The following POLR2D variants were observed in gnomAD, a reference collection of about 807,000 sequenced individuals.
POLR2D encodes the protein DNA-directed RNA polymerase II subunit RPB4.
In POLR2D, 10 loss-of-function variants were observed where a neutral mutation model predicts 17.6. That is an observed-to-expected ratio of 0.57 (90% confidence interval 0.35 to 0.96). The LOEUF (loss-of-function observed/expected upper bound fraction) is 0.96. Ranked by LOEUF, POLR2D falls within the 40% of genes least tolerant of loss-of-function variation. POLR2D has a pLI of 0.02. For synonymous variants in POLR2D, 52 were observed against 60.2 expected (o/e 0.86, Z 0.63); for missense variants, 126 against 176.4 (o/e 0.71, Z 1.62).
rs1690110357 is a variant in POLR2D at position 127,844,055 on chromosome 2, A to C, written c.*4052T>G. 6.9e-6 allele frequency: 1 copy of C among 145,240 alleles called. No homozygotes were observed. The allele number at this position is 145,240 out of a possible 1,614,324, so 9.0% of individuals were successfully genotyped here. A position where few individuals can be genotyped will look rare whatever the true frequency, so the allele number is the denominator to read the frequency against. ...GGAGATTGAGGCTGCAGTGAACCTTAATCATGCCACTGCACTCCAGCCTGG... is the reference window on the plus strand; with the variant it reads ...GGAGATTGAGGCTGCAGTGAACCTTCATCATGCCACTGCACTCCAGCCTGG... On this transcript the variant is annotated 3_prime_UTR_variant, in exon 4 of 4. Coordinates refer to ENST00000272645, the MANE Select transcript of POLR2D (RefSeq NM_004805.4).
rs547229686 is a variant in POLR2D, at chr2:127,857,948, T to C, written c.73+80A>G. On this transcript the variant is annotated intron_variant, in intron 1 of 3. Coordinates refer to ENST00000272645, the MANE Select transcript of POLR2D (RefSeq NM_004805.4). ...CCCAAGCCGCCGCTGAGGCAGGGCC[T>C]TGGGCGAAGCGCGCATAACGCCAGG... 1.5e-4 allele frequency: 233 copies of C among 1,531,002 alleles called. 1 individual carries two copies. The African/African-American group carries it at 2.5e-3, about 17-fold the overall frequency. The allele number at this position is 1,531,002 out of a possible 1,614,324, so 94.8% of individuals were successfully genotyped here. A position where few individuals can be genotyped will look rare whatever the true frequency, so the allele number is the denominator to read the frequency against.
intron 1 of POLR2D, among the ~76,000 whole-genome samples, chr2:127,853,523 T>C (rs181380290): frequency 6.6e-6 from 1 of 152,292 alleles, no homozygotes; most frequent in African/African-American, 2.4e-5. Flanking sequence ...TCCAGCTCCA[T>C]CCATGTTGCT....
chr2:127,855,241 A>G (rs1167071817), intron 1 of POLR2D, among the ~76,000 whole-genome samples: 1 of 151,872 alleles, frequency 6.6e-6, no homozygotes, highest in African/African-American at 2.4e-5. Context: ...AAAAATACAA[A>G]AATTAGTCGG....
chr2:127,846,692 C>T lies in POLR2D; in HGVS notation c.*1415G>A, dbSNP rs535202362. On this transcript the variant is annotated 3_prime_UTR_variant, in exon 4 of 4. Transcript: ENST00000272645. ...AGTAGAATTGCAATTTTATTTTTCTCCAGAGAAGTTTTTCTTCAGTCCTTA... is the reference window on the plus strand; with the variant it reads ...AGTAGAATTGCAATTTTATTTTTCTTCAGAGAAGTTTTTCTTCAGTCCTTA... The T allele has an allele frequency of 1.3e-5, 2 of 152,694 alleles. No individual in the cohort carries two copies. Among genetic ancestry groups the T allele is most frequent in the African/African-American group, 2.4e-5 (1 of 41,494 alleles). 9.5% of individuals were successfully genotyped at this position (152,694 alleles called of 1,614,324 possible). A position where few individuals can be genotyped will look rare whatever the true frequency, so the allele number is the denominator to read the frequency against.
rs190117122 is a variant in POLR2D at position 127,847,510 on chromosome 2, T to C, written c.*597A>G. On this transcript the variant is annotated 3_prime_UTR_variant, in exon 4 of 4. Transcript: ENST00000272645. ...AATTTTAAAAATTAGCTGAGAGTTGTGGTGCACACCTGTGGCCCCAGTTAT... is the reference window on the plus strand; with the variant it reads ...AATTTTAAAAATTAGCTGAGAGTTGCGGTGCACACCTGTGGCCCCAGTTAT... 1 of 153,654 alleles carries C rather than the reference T, an allele frequency of 6.5e-6. No homozygotes were observed. The highest frequency in any genetic ancestry group is 1.9e-4 in the East Asian group (1 of 5,178). The allele number at this position is 153,654 out of a possible 1,614,324, so 9.5% of individuals were successfully genotyped here.
At chr2:127,850,247 C>A (rs1690229123) in intron 3 of POLR2D, among the ~76,000 whole-genome samples, 1 of 151,930 alleles carries the variant, frequency 6.6e-6, no homozygotes, top group Admixed American at 6.6e-5. Context: ...TCGCGACTAG[C>A]CTGACCAACA....
At chr2:127,854,132 C>G (rs1208290323) in intron 1 of POLR2D, among the ~76,000 whole-genome samples, 2 of 152,154 alleles carry the variant, frequency 1.3e-5, no homozygotes, top group Admixed American at 6.5e-5. Flanking sequence ...TATTTTTGTG[C>G]ACACACAAAT....
intron 3 of POLR2D, among the ~76,000 whole-genome samples, chr2:127,848,880 G>A (rs72848839): frequency 0.084 from 12,764 of 151,656 alleles, 620 homozygotes; most frequent in Middle Eastern, 0.23. Flanking sequence ...GGCTGGTCTC[G>A]AACTCCTGAC....
chr2:127,848,945 C>T (rs1690200156), intron 3 of POLR2D, among the ~76,000 whole-genome samples: 1 of 152,160 alleles, frequency 6.6e-6, no homozygotes, highest in Non-Finnish European at 1.5e-5. Context: ...CAGGCATGAG[C>T]CACCACGCCC....
chr2:127,853,550 C>T (rs970571358), intron 1 of POLR2D, among the ~76,000 whole-genome samples: 1 of 151,256 alleles, frequency 6.6e-6, no homozygotes, highest in African/African-American at 2.4e-5. Flanking sequence ...GATATGATTT[C>T]GTTCTTTTAT....
chr2:127,855,995 T>G (rs1358201838), intron 1 of POLR2D, among the ~76,000 whole-genome samples: 1 of 152,090 alleles, frequency 6.6e-6, no homozygotes, highest in Non-Finnish European at 1.5e-5. Context: ...TTACGACCAT[T>G]AATAGGCCAG....
At position 127,852,532 on chromosome 2, in the gene POLR2D, C is replaced by T. The variant is rs1690268689; in HGVS notation, c.254+393G>A. 6.6e-6 allele frequency among the ~76,000 whole-genome samples: 1 copy of T among 152,168 alleles called. No individual in the cohort carries two copies. The highest frequency in any genetic ancestry group is 1.5e-5 in the Non-Finnish European group (1 of 68,040). On this transcript the variant is annotated intron_variant, in intron 2 of 3. Coordinates refer to ENST00000272645, the MANE Select transcript of POLR2D (RefSeq NM_004805.4). The surrounding 1 kb of genome is among the most constrained non-coding windows in gnomAD (Gnocchi z 4.0). ...AAGTGTGGATTACAGGTGTAAGCCA[C>T]CACACCTGGCTGAAATTCTGGTCTT...
Position 127,844,223 on chromosome 2 carries a change from CCAGA to C in POLR2D, c.*3880_*3883del, listed in dbSNP as rs1325733182. The stretch of plus-strand genomic sequence containing the variant: ...ATCTTGGACCAGAAAGCCGCCCTTG[CCAGA>C]CACTGAACGTACCAGCACCTGGATC... On this transcript the variant is annotated 3_prime_UTR_variant, in exon 4 of 4. Transcript: ENST00000272645. The C allele has an allele frequency of 6.6e-6, 1 of 151,674 alleles. No individual in the cohort carries two copies. The highest frequency in any genetic ancestry group is 2.4e-5 in the African/African-American group (1 of 41,290). 9.4% of individuals were successfully genotyped at this position (151,674 alleles called of 1,614,324 possible).
At position 127,852,132 on chromosome 2, in the gene POLR2D, G is replaced by A. The variant is rs1690262544; in HGVS notation, c.254+793C>T. Among the ~76,000 whole-genome samples the A allele has an allele frequency of 6.6e-6, 1 of 152,082 alleles. No homozygotes were observed. Among genetic ancestry groups the A allele is most frequent in the Admixed American group, 6.6e-5 (1 of 15,260 alleles). ...GGCTAAGGTTGGAGGATCAATTGAGGCCAGGAGTTTGAGACCAGCCTGGAC... is the reference window on the plus strand; with the variant it reads ...GGCTAAGGTTGGAGGATCAATTGAGACCAGGAGTTTGAGACCAGCCTGGAC... On this transcript the variant is annotated intron_variant, in intron 2 of 3. Coordinates refer to ENST00000272645, the MANE Select transcript of POLR2D (RefSeq NM_004805.4). This position sits in a 1 kb window ranked among gnomAD's most constrained non-coding sequence, Gnocchi z 4.0.
chr2:127,856,290 C>CAAA (rs61249327), intron 1 of POLR2D, among the ~76,000 whole-genome samples: 3,364 of 25,380 alleles, frequency 0.13, 789 homozygotes, highest in African/African-American at 0.3. Context: ...GATCCCGTCT[C>CAAA]AAAAAAAAAA....
At position 127,849,047 on chromosome 2, in the gene POLR2D, G is replaced by T. The variant is rs562356916; in HGVS notation, c.351-862C>A. Among the ~76,000 whole-genome samples the T allele has an allele frequency of 3.3e-5, 5 of 151,166 alleles. No homozygotes were observed. The South Asian group carries it at 1.0e-3, about 32-fold the overall frequency. ...ATGACAGGTGTGAGCCACCACACCT[G>T]GCCAGAGTTTTTTTTTGGGACAGAG... On this transcript the variant is annotated intron_variant, in intron 3 of 3. Transcript: ENST00000272645.
intron 1 of POLR2D, among the ~76,000 whole-genome samples, chr2:127,857,320 T>C (rs1208984986): frequency 6.6e-6 from 1 of 151,970 alleles, no homozygotes; most frequent in African/African-American, 2.4e-5. Flanking sequence ...CCTATCTCAA[T>C]CAATAAATCA....
chr2:127,849,776 G>A (rs191639228), intron 3 of POLR2D, among the ~76,000 whole-genome samples: 68 of 152,274 alleles, frequency 4.5e-4, no homozygotes, highest in South Asian at 1.2e-3. Context: ...GCTGGGCACC[G>A]CGGCTCATGC....
In POLR2D at chr2:127,848,017, A is replaced by G. The variant is rs1190009588; in HGVS notation, c.*90T>C. On this transcript the variant is annotated 3_prime_UTR_variant, in exon 4 of 4. Transcript: ENST00000272645. ...AAAGGAATTCTCAACTGTCTTCAAC[A>G]GAATTTCTGTGCAAGTCAGCCCCAG... is the stretch of plus-strand genomic sequence containing the variant. The G allele has an allele frequency of 5.2e-5, 48 of 923,102 alleles. No individual in the cohort carries two copies. Among genetic ancestry groups the G allele is most frequent in the Admixed American group, 1.2e-4 (7 of 56,278 alleles). 57.2% of individuals were successfully genotyped at this position (923,102 alleles called of 1,614,324 possible). A position where few individuals can be genotyped will look rare whatever the true frequency, so the allele number is the denominator to read the frequency against.
Sources: gnomAD v4.1 joint callset for allele counts (sites outside exome capture counted in the v4.1 genomes callset) on GRCh38, gnomAD v4.1.1 for gene constraint, Gnocchi (gnomAD v3.1) non-coding constraint, MANE v1.5 for transcripts, NCBI Gene and HGNC (gene_info 2026-07-23, HGNC 2026-07-21) for gene names.